The following CELF2 variants were observed in gnomAD, a reference collection of about 807,000 sequenced individuals.
The protein encoded by CELF2 is CUG triplet repeat RNA-binding protein 2.
A neutral mutation model predicts 62.6 loss-of-function variants in CELF2; 8 were observed. The ratio of observed to expected loss-of-function variants is 0.13; its 90% confidence interval spans 0.07 to 0.23. The LOEUF is 0.23. Ranked by LOEUF, CELF2 falls within the 10% of genes least tolerant of loss-of-function variation. The pLI, the probability that CELF2 is intolerant of heterozygous loss-of-function variation, is 1.00. For synonymous variants in CELF2, 258 were observed against 250.0 expected (o/e 1.03, Z -0.30); for missense variants, 333 against 671.0 (o/e 0.50, Z 5.56).
chr10:10,869,950 A>G (rs2060631288), intron 1 of CELF2, among the ~76,000 whole-genome samples: 1 of 152,356 alleles, frequency 6.6e-6, no homozygotes, highest in South Asian at 2.1e-4. Context: ...CATCTCAAAA[A>G]AAAAGTAATG....
chr10:10,701,809 G>A, the CELF2 span, among the ~76,000 whole-genome samples: 6 of 152,334 alleles, frequency 3.9e-5, no homozygotes, highest in African/African-American at 1.4e-4. Context: ...TAGAGACCAT[G>A]AGAAAGTCCC....
intron 1 of CELF2, among the ~76,000 whole-genome samples, chr10:11,123,399 C>T (rs1054265485): frequency 1.1e-4 from 17 of 152,062 alleles, no homozygotes; most frequent in Admixed American, 6.6e-4. Context: ...TACAGGCACA[C>T]GCCACCATCC....
rs191296393 is a variant in CELF2 at position 11,302,016 on chromosome 10, C to T, written c.977-12123C>T. 4.6e-3 allele frequency among the ~76,000 whole-genome samples: 703 copies of T among 152,296 alleles called. 4 individuals carry two copies. Among genetic ancestry groups the T allele is most frequent in the Non-Finnish European group, 6.9e-3 (468 of 68,022 alleles). ...GCTCAGCAGATGCCAGCTCAGTGCC[C>T]GCTGCACCAGTGATTCTCATAGTTT... On this transcript the variant is annotated intron_variant, in intron 9 of 12. Transcript: ENST00000633077. The surrounding 1 kb of genome is among the most constrained non-coding windows in gnomAD (Gnocchi z 5.0).
chr10:11,326,781 A>G (rs1014801376), intron 12 of CELF2, among the ~76,000 whole-genome samples: 4 of 152,212 alleles, frequency 2.6e-5, no homozygotes, highest in Non-Finnish European at 5.9e-5. Flanking sequence ...AGTTTGAGTT[A>G]GAGTATTTGC....
chr10:10,936,010 A>T lies in CELF2; in HGVS notation c.89+16011A>T, dbSNP rs1387255365. ...CTACTAAAAATACAAAAAAAAAAAAAAATTAGCCAGGCGTGGTGGCACACA... is the reference window on the plus strand; with the variant it reads ...CTACTAAAAATACAAAAAAAAAAAATAATTAGCCAGGCGTGGTGGCACACA... On this transcript the variant is annotated intron_variant, in intron 2 of 13. Coordinates refer to the CELF2 transcript ENST00000636488. This position sits in a 1 kb window ranked among gnomAD's most constrained non-coding sequence, Gnocchi z 4.0. 6.6e-6 allele frequency among the ~76,000 whole-genome samples: 1 copy of T among 151,806 alleles called. No individual in the cohort carries two copies. Among genetic ancestry groups the T allele is most frequent in the Non-Finnish European group, 1.5e-5 (1 of 68,000 alleles).
intron 1 of CELF2, among the ~76,000 whole-genome samples, chr10:11,133,150 A>G (rs1595889278): frequency 1.3e-5 from 2 of 152,200 alleles, no homozygotes; most frequent in Admixed American, 1.3e-4. Flanking sequence ...AGGAAACATA[A>G]AAGTCTAGGA....
chr10:10,671,440 G>T, the CELF2 span, among the ~76,000 whole-genome samples: 2 of 152,140 alleles, frequency 1.3e-5, no homozygotes, highest in Non-Finnish European at 2.9e-5. Flanking sequence ...GTTCCTTTGA[G>T]TAAATTCCAA....
intron 3 of CELF2, among the ~76,000 whole-genome samples, chr10:11,221,509 C>T (rs1235695158): frequency 1.3e-5 from 2 of 152,178 alleles, no homozygotes; most frequent in African/African-American, 2.4e-5. Flanking sequence ...GGTGTCAGCA[C>T]CGTGCTGGGT....
chr10:10,791,358 G>T, the CELF2 span, among the ~76,000 whole-genome samples: 3 of 151,334 alleles, frequency 2.0e-5, no homozygotes, highest in African/African-American at 7.3e-5. Context: ...ACCAGTTGGA[G>T]CCGGGGTACA....
chr10:10,761,412 T>C, the CELF2 span, among the ~76,000 whole-genome samples: 12 of 152,210 alleles, frequency 7.9e-5, no homozygotes, highest in African/African-American at 2.7e-4. Context: ...GGTAGAGGTG[T>C]AAGTCCATGA....
chr10:10,942,488 T>C (rs1324569017), intron 2 of CELF2, among the ~76,000 whole-genome samples: 1 of 152,238 alleles, frequency 6.6e-6, no homozygotes, highest in African/African-American at 2.4e-5. Context: ...CTCACTTCCT[T>C]GCCATGTGGG....
chr10:11,159,733 G>A lies in CELF2; in HGVS notation c.75-5753G>A, dbSNP rs1471492277. ...GCCGGAGGCACCAGGCCCATCGCCA[G>A]GTTCTTTCTGCTTTTGCCTTAAGCA... On this transcript the variant is annotated intron_variant, in intron 1 of 12. Transcript: ENST00000633077. This position sits in a 1 kb window ranked among gnomAD's most constrained non-coding sequence, Gnocchi z 5.0. Among the ~76,000 whole-genome samples the A allele has an allele frequency of 6.6e-6, 1 of 152,228 alleles. No homozygotes were observed. The highest frequency in any genetic ancestry group is 2.4e-5 in the African/African-American group (1 of 41,462).
intron 1 of CELF2, among the ~76,000 whole-genome samples, chr10:11,022,717 G>C (rs748551515): frequency 1.3e-5 from 2 of 152,170 alleles, no homozygotes; most frequent in Non-Finnish European, 2.9e-5. Context: ...CGTTTGGCAT[G>C]CAAAATGATC....
chr10:10,557,180 G>A, the CELF2 span, among the ~76,000 whole-genome samples: 1 of 134,246 alleles, frequency 7.4e-6, no homozygotes, highest in Non-Finnish European at 1.6e-5. Flanking sequence ...TAACGTTTAA[G>A]TCTTTAATCC....
chr10:10,977,074 T>A (rs557687091), intron 2 of CELF2, among the ~76,000 whole-genome samples: 1 of 151,488 alleles, frequency 6.6e-6, no homozygotes, highest in Non-Finnish European at 1.5e-5. Context: ...CTGCCCTGAT[T>A]TAGACCAATT....
At chr10:10,930,809 A>G (rs1008130875) in intron 2 of CELF2, among the ~76,000 whole-genome samples, 6 of 152,228 alleles carry the variant, frequency 3.9e-5, no homozygotes, top group Non-Finnish European at 5.9e-5. Context: ...ATAACATTCT[A>G]TATTAAATAC....
chr10:10,469,195 T>G, the CELF2 span, among the ~76,000 whole-genome samples: 1 of 151,988 alleles, frequency 6.6e-6, no homozygotes, highest in Admixed American at 6.6e-5. Flanking sequence ...TTAACAAATT[T>G]CCATGTTATC....
intron 1 of CELF2, among the ~76,000 whole-genome samples, chr10:11,040,814 T>G (rs1053518251): frequency 1.3e-5 from 2 of 152,210 alleles, no homozygotes; most frequent in Non-Finnish European, 2.9e-5. Flanking sequence ...TTTTTCAAAT[T>G]ATCAAAAATA....
intron 9 of CELF2, among the ~76,000 whole-genome samples, chr10:11,291,427 TA>T (rs2092509494): frequency 6.6e-6 from 1 of 152,150 alleles, no homozygotes; most frequent in Non-Finnish European, 1.5e-5. Context: ...AGGCAATAAA[TA>T]GGTTCCTTTG....
Sources: gnomAD v4.1 joint callset for allele counts (sites outside exome capture counted in the v4.1 genomes callset) on GRCh38, gnomAD v4.1.1 for gene constraint, Gnocchi (gnomAD v3.1) non-coding constraint, MANE v1.5 for transcripts, NCBI Gene and HGNC (gene_info 2026-07-23, HGNC 2026-07-21) for gene names.